The following LYG1 variants were observed in gnomAD, a reference collection of about 807,000 sequenced individuals.
LYG1 encodes the protein lysozyme g-like protein 1.
Under a neutral mutation model 21.7 loss-of-function variants are expected in LYG1, and 17 were observed. The observed-to-expected ratio is 0.78, with a 90% CI of 0.54 to 1.18. LYG1 has a LOEUF of 1.18. LYG1 is among the 50% of genes most tolerant of loss of function. LYG1 has a pLI of 0.00. For missense variants in LYG1, 211 were observed against 238.1 expected (o/e 0.89, Z 0.75); for synonymous variants, 81 against 87.4 (o/e 0.93, Z 0.41).
At chr2:99,294,647 A>G (rs4851199) in intron 3 of LYG1, among the ~76,000 whole-genome samples, 126,337 of 152,106 alleles carry the variant, frequency 0.83, 53,061 homozygotes, top group Middle Eastern at 0.97. Flanking sequence ...GATCCTCAAA[A>G]TTCTTTGTAT....
intron 1 of LYG1, among the ~76,000 whole-genome samples, 192 bp from the exon 2 acceptor site, chr2:99,298,741 C>T (rs1385345764): frequency 6.6e-6 from 1 of 152,066 alleles, no homozygotes; most frequent in African/African-American, 2.4e-5. Context: ...TTGTGGTGTC[C>T]CCATCTAATC....
In LYG1 at chr2:99,285,380, T is replaced by TA. The variant is rs199643971; in HGVS notation, c.334-561dup. Among the ~76,000 whole-genome samples, 831 of 137,364 alleles carry TA rather than the reference T, an allele frequency of 6.0e-3. 11 individuals are homozygous for TA. The highest frequency in any genetic ancestry group is 0.049 in the East Asian group (237 of 4,822). The allele number at this position is 137,364 out of a possible 152,430, so 90.1% of individuals were successfully genotyped here. ...TGGGTGACAGAGTGAGACCCTGTCT[T>TA]AAAAAAAAAAAAAAAATATTTGCAG... is the stretch of plus-strand genomic sequence containing the variant. On this transcript the variant is annotated intron_variant, in intron 5 of 6. Coordinates refer to ENST00000308528, the MANE Select transcript of LYG1 (RefSeq NM_174898.3).
At chr2:99,294,928 C>G (rs1293901709) in intron 3 of LYG1, among the ~76,000 whole-genome samples, 2 of 152,004 alleles carry the variant, frequency 1.3e-5, no homozygotes, top group Non-Finnish European at 2.9e-5. Flanking sequence ...ATGGTGAAAC[C>G]CTGTCTCTAC....
chr2:99,299,052 C>A (rs1170577014), intron 1 of LYG1, among the ~76,000 whole-genome samples: 2 of 151,942 alleles, frequency 1.3e-5, no homozygotes, highest in Non-Finnish European at 2.9e-5. Flanking sequence ...TTGCCTCAGC[C>A]TCCTGAGTAG....
In LYG1 at chr2:99,284,825, A is replaced by T. The variant is rs764747675; in HGVS notation, c.334-5T>A. The T allele has an allele frequency of 6.2e-7, 1 of 1,612,360 alleles. No individual in the cohort carries two copies. The highest frequency in any genetic ancestry group is 8.5e-7 in the Non-Finnish European group (1 of 1,179,738). On this transcript the variant is annotated splice_region_variant and splice_polypyrimidine_tract_variant and intron_variant, in intron 5 of 6. Transcript: ENST00000308528. ...GGGAGCTTGAGAGCCAGGGTCCTGC[A>T]GGGAAGGAGGCAGAGAAGAAGCCAC...
At chr2:99,301,931 G>C (rs529646513), upstream of LYG1, among the ~76,000 whole-genome samples, 1 of 152,242 alleles carries the variant, frequency 6.6e-6, no homozygotes, top group East Asian at 1.9e-4. Flanking sequence ...GGGTTCATAT[G>C]AAGTTTCCAG....
chr2:99,303,449 T>C (rs1333217677), upstream of LYG1, among the ~76,000 whole-genome samples: 2 of 151,676 alleles, frequency 1.3e-5, no homozygotes, highest in Admixed American at 1.3e-4. Context: ...AGAGACGAAA[T>C]GGCTTCTCAC....
chr2:99,286,886 G>A (rs1172395442), intron 5 of LYG1, among the ~76,000 whole-genome samples: 3 of 152,124 alleles, frequency 2.0e-5, no homozygotes, highest in Admixed American at 6.5e-5. Flanking sequence ...ACAGATGAAT[G>A]AATAAAGAAA....
At chr2:99,295,749 A>G (rs886817943) in intron 2 of LYG1, 47 bp from the exon 3 acceptor site, 7 of 1,542,814 alleles carry the variant, frequency 4.5e-6, no homozygotes, top group Non-Finnish European at 6.3e-6. Context: ...ATCAGTCATC[A>G]TCATAACCAC....
At chr2:99,289,675 C>T (rs1369326037) in intron 5 of LYG1, among the ~76,000 whole-genome samples, 1 of 152,100 alleles carries the variant, frequency 6.6e-6, no homozygotes, top group African/African-American at 2.4e-5. Context: ...GCAAACCCTC[C>T]AAACAGTCCA....
upstream of LYG1, among the ~76,000 whole-genome samples, chr2:99,302,782 G>A (rs977018490): frequency 5.9e-5 from 9 of 152,134 alleles, no homozygotes; most frequent in Non-Finnish European, 1.2e-4. Flanking sequence ...GCTTTGGGAG[G>A]CCGAGGCAGG....
chr2:99,303,322 C>G (rs766195532), upstream of LYG1, among the ~76,000 whole-genome samples: 2 of 152,084 alleles, frequency 1.3e-5, no homozygotes, highest in Non-Finnish European at 2.9e-5. Context: ...GTGGGGAAAT[C>G]TGGGGATGCC....
intron 5 of LYG1, 73 bp from the exon 6 acceptor site, chr2:99,284,893 G>T: frequency 6.4e-7 from 1 of 1,559,078 alleles, no homozygotes; most frequent in Non-Finnish European, 8.7e-7. Flanking sequence ...GGGCTCAATG[G>T]CGCTTGTTCA....
Position 99,284,814 on chromosome 2 carries a change from CA to C in LYG1, c.339del (p.Gly114AlafsTer21). ...MGDRTSMVQD[P>X]GSQAPTSWIS... ...ATCCAGGATGTGGGAGCTTGAGAGC[CA>C]GGGTCCTGCAGGGAAGGAGGCAGAG... On this transcript the variant is annotated frameshift_variant, in exon 6 of 7. Coordinates refer to ENST00000308528, the MANE Select transcript of LYG1 (RefSeq NM_174898.3). LOFTEE classifies it high-confidence loss of function. The C allele has an allele frequency of 6.2e-7, 1 of 1,612,556 alleles. No homozygotes were observed. The highest frequency in any genetic ancestry group is 8.5e-7 in the Non-Finnish European group (1 of 1,179,772).
intron 1 of LYG1, among the ~76,000 whole-genome samples, chr2:99,299,958 G>A (rs1212333030): frequency 6.6e-6 from 1 of 151,404 alleles, no homozygotes; most frequent in South Asian, 2.1e-4. Flanking sequence ...ACACATGCAC[G>A]TACAGCAACA....
chr2:99,297,621 G>A (rs1220942094), intron 2 of LYG1, among the ~76,000 whole-genome samples: 6 of 152,162 alleles, frequency 3.9e-5, no homozygotes, highest in Non-Finnish European at 8.8e-5. Context: ...CACTTAATGG[G>A]AACACAGAAT....
chr2:99,284,464 G>T lies in LYG1; in HGVS notation c.514C>A (p.Gln172Lys), dbSNP rs113487400. The stretch of plus-strand genomic sequence containing the variant: ...TTGCAGAAGTCACAGCTCAGGTCCT[G>T]GCTGCTTCGGACATAGCCAGCACCC... ...SGGAGYVRSSQDLSCDFCNDV... is the reference protein window; with the variant it reads ...SGGAGYVRSSKDLSCDFCNDV... The change falls in exon 7 of 7, where the codon CAG becomes AAG. Residue 172 changes from glutamine to lysine, a missense_variant. By Grantham distance (53) the Gln-to-Lys change is moderately conservative. Coordinates refer to ENST00000308528, the MANE Select transcript of LYG1 (RefSeq NM_174898.3). 46 of 1,614,066 alleles carry T rather than the reference G, an allele frequency of 2.8e-5. No individual in the cohort carries two copies. The highest frequency in any genetic ancestry group is 3.6e-5 in the Non-Finnish European group (42 of 1,180,048).
chr2:99,298,968 G>C (rs2094145641), intron 1 of LYG1, among the ~76,000 whole-genome samples: 1 of 152,154 alleles, frequency 6.6e-6, no homozygotes, highest in Non-Finnish European at 1.5e-5. Context: ...GTCTCACTCT[G>C]TCGCCCAGGC....
chr2:99,303,914 G>A (rs1394401570), upstream of LYG1, among the ~76,000 whole-genome samples: 1 of 151,990 alleles, frequency 6.6e-6, no homozygotes, highest in Non-Finnish European at 1.5e-5. Context: ...GCTCACGCCT[G>A]TAATCCCAGC....
Sources: allele counts gnomAD v4.1 joint callset (sites outside exome capture counted in the v4.1 genomes callset), GRCh38; gene constraint gnomAD v4.1.1; transcripts MANE v1.5; gene names NCBI Gene and HGNC (gene_info 2026-07-23, HGNC 2026-07-21).